Variants in ACSL5 observed in about 807,000 individuals in gnomAD.
The protein encoded by ACSL5 is long-chain-fatty-acid--CoA ligase 5.
A neutral mutation model predicts 84.9 loss-of-function variants in ACSL5; 50 were observed. The observed-to-expected ratio is 0.59, with a 90% CI of 0.47 to 0.75. The LOEUF (loss-of-function observed/expected upper bound fraction) is 0.75. ACSL5 is among the 30% of genes least tolerant of loss of function. The pLI is 0.00. For synonymous variants in ACSL5, 280 were observed against 300.7 expected (o/e 0.93, Z 0.71); for missense variants, 775 against 830.4 (o/e 0.93, Z 0.82).
At chr10:112,403,497 G>A (rs1006300007) in intron 3 of ACSL5, among the ~76,000 whole-genome samples, 1 of 152,194 alleles carries the variant, frequency 6.6e-6, no homozygotes, top group Admixed American at 6.5e-5. Flanking sequence ...TGTTGGGCAG[G>A]CTGGTCTTGA....
chr10:112,426,253 C>T lies in ACSL5; in HGVS notation c.1738-5C>T. The T allele has an allele frequency of 1.2e-6, 2 of 1,612,656 alleles. No individual in the cohort carries two copies. The highest frequency in any genetic ancestry group is 2.2e-5 in the East Asian group (1 of 44,876). ...GCCCTTGCACCTTTTATTTCCTTTCCATAGTCATCCTTAGTAGGAGTGGTG... is the reference window on the plus strand; with the variant it reads ...GCCCTTGCACCTTTTATTTCCTTTCTATAGTCATCCTTAGTAGGAGTGGTG... On this transcript the variant is annotated splice_polypyrimidine_tract_variant and splice_region_variant and intron_variant, in intron 18 of 20. Transcript: ENST00000354655.
At chr10:112,390,771 T>C (rs773614241) in intron 1 of ACSL5, among the ~76,000 whole-genome samples, 1 of 152,086 alleles carries the variant, frequency 6.6e-6, no homozygotes, top group Non-Finnish European at 1.5e-5. Context: ...TACTACCCCA[T>C]CAATGAATCT....
intron 1 of ACSL5, among the ~76,000 whole-genome samples, chr10:112,377,326 A>T (rs1750181781): frequency 6.6e-6 from 1 of 152,176 alleles, no homozygotes; most frequent in Non-Finnish European, 1.5e-5. Context: ...GATCACCTGA[A>T]GTCAGGAGTT....
At position 112,421,793 on chromosome 10, in the gene ACSL5, G is replaced by T; in HGVS notation, c.1387+128G>T. The T allele has an allele frequency of 7.7e-7, 1 of 1,303,332 alleles. No homozygotes were observed. The highest frequency in any genetic ancestry group is 2.4e-5 in the East Asian group (1 of 42,508). The allele number at this position is 1,303,332 out of a possible 1,614,324, so 80.7% of individuals were successfully genotyped here. ...GTGGCAAATGCAAAATTCAAGTTTT[G>T]GGTCCAGGCCTGCCTATCTTGGCTA... is the stretch of plus-strand genomic sequence containing the variant. On this transcript the variant is annotated intron_variant, in intron 15 of 20. Coordinates refer to ENST00000354655, the MANE Select transcript of ACSL5 (RefSeq NM_203379.2).
intron 3 of ACSL5, among the ~76,000 whole-genome samples, chr10:112,403,578 G>C (rs1288477814): frequency 6.6e-6 from 1 of 152,202 alleles, no homozygotes; most frequent in African/African-American, 2.4e-5. Context: ...GAGCCACTGC[G>C]CCCAGCCTTG....
At chr10:112,392,916 AAT>A (rs144204390) in intron 1 of ACSL5, among the ~76,000 whole-genome samples, 70 of 147,502 alleles carry the variant, frequency 4.7e-4, no homozygotes, top group Non-Finnish European at 5.0e-4. Flanking sequence ...CCGTGTCTCA[AAT>A]ATATATATAT....
At chr10:112,405,667 T>C in intron 5 of ACSL5, among the ~76,000 whole-genome samples, 2 of 152,256 alleles carry the variant, frequency 1.3e-5, no homozygotes, top group Middle Eastern at 6.8e-3. Flanking sequence ...TTGAACAACA[T>C]GGGGGTTAGG....
chr10:112,417,329 C>G (rs1370218877), intron 13 of ACSL5, among the ~76,000 whole-genome samples: 1 of 151,536 alleles, frequency 6.6e-6, no homozygotes, highest in African/African-American at 2.4e-5. Context: ...ATGGTGAAAC[C>G]CAGTCTCTAC....
At chr10:112,389,959 T>G (rs1374166607) in intron 1 of ACSL5, among the ~76,000 whole-genome samples, 1 of 152,184 alleles carries the variant, frequency 6.6e-6, no homozygotes. Context: ...CCAGGCACAG[T>G]GGCTCACGCC....
intron 20 of ACSL5, among the ~76,000 whole-genome samples, 158 bp downstream of exon 20, chr10:112,427,017 C>CT (rs1235158741): frequency 6.6e-6 from 1 of 152,082 alleles, no homozygotes; most frequent in Non-Finnish European, 1.5e-5. Context: ...GTACAGCGCC[C>CT]TTTTTTTGCT....
At chr10:112,376,656 T>C (rs1015742305) in intron 1 of ACSL5, among the ~76,000 whole-genome samples, 1 of 151,906 alleles carries the variant, frequency 6.6e-6, no homozygotes, top group African/African-American at 2.4e-5. Flanking sequence ...GAAGGAAGGA[T>C]GTGGGGCATG....
Position 112,398,898 on chromosome 10 carries a change from T to G in ACSL5, c.157-3T>G. The G allele has an allele frequency of 6.2e-7, 1 of 1,613,708 alleles. No individual in the cohort carries two copies. Among genetic ancestry groups the G allele is most frequent in the Non-Finnish European group, 8.5e-7 (1 of 1,179,708 alleles). ...TTGGCCTAAACTTGGTCTTGTGTCT[T>G]AGGGAGGAGCACGGAAGGGGGTTTC... On this transcript the variant is annotated splice_region_variant and splice_polypyrimidine_tract_variant and intron_variant, in intron 2 of 20. Transcript: ENST00000354655.
rs1334693429 is a variant in ACSL5 at position 112,428,341 on chromosome 10, TAA to T, written c.*985_*986del. On this transcript the variant is annotated 3_prime_UTR_variant, in exon 21 of 21. Transcript: ENST00000354655. ...AGATAACACATGTTGTTTCTACTTG[TAA>T]ATGTAAAGTCTTTAAAATAAACTAT... 1 of 397,900 alleles carries T rather than the reference TAA, an allele frequency of 2.5e-6. No individual in the cohort carries two copies. Among genetic ancestry groups the T allele is most frequent in the African/African-American group, 2.1e-5 (1 of 48,612 alleles). 24.6% of individuals were successfully genotyped at this position (397,900 alleles called of 1,614,324 possible). A position where few individuals can be genotyped will look rare whatever the true frequency, so the allele number is the denominator to read the frequency against.
intron 12 of ACSL5, among the ~76,000 whole-genome samples, chr10:112,415,223 G>A (rs371966191): frequency 1.3e-5 from 2 of 151,622 alleles, no homozygotes; most frequent in African/African-American, 2.4e-5. Flanking sequence ...TTTTTGAGAC[G>A]GAGTCTCGCT....
Position 112,421,604 on chromosome 10 carries a change from T to C in ACSL5, c.1326T>C (p.Ala442=), listed in dbSNP as rs773011006. Residue 442 remains alanine (A), a synonymous_variant, in exon 15 of 21, where the codon GCT becomes GCC. Transcript: ENST00000354655. ...RAAMGCQVYE[A]YGQTECTGGC... is the part of the protein sequence containing the mutation. ...CTTTGGTTTCCCAGGTGTATGAAGC[T>C]TATGGTCAAACAGAATGCACAGGTG... The C allele has an allele frequency of 4.3e-6, 7 of 1,614,006 alleles. No individual in the cohort carries two copies. The African/African-American group carries it at 6.7e-5, about 15-fold the overall frequency.
chr10:112,383,303 C>T (rs1421315169), intron 1 of ACSL5, among the ~76,000 whole-genome samples: 1 of 152,066 alleles, frequency 6.6e-6, no homozygotes, highest in African/African-American at 2.4e-5. Context: ...AGACTCTGTC[C>T]CAAAATAAAT....
chr10:112,387,619 A>C (rs1222881097), intron 1 of ACSL5, among the ~76,000 whole-genome samples: 1 of 152,244 alleles, frequency 6.6e-6, no homozygotes, highest in Admixed American at 6.5e-5. Flanking sequence ...AATAACACAC[A>C]GTTCCCTTTG....
intron 16 of ACSL5, 143 bp downstream of exon 16, chr10:112,422,178 C>T (rs1185161638): frequency 2.6e-5 from 29 of 1,109,154 alleles, no homozygotes; most frequent in Non-Finnish European, 3.6e-5. Context: ...ACTTTCCTAT[C>T]CCCTATAGTG....
In ACSL5 at chr10:112,413,225, G is replaced by A. The variant is rs141925116; in HGVS notation, c.1001G>A (p.Arg334Gln). 3.1e-4 allele frequency: 503 copies of A among 1,614,142 alleles called. 2 individuals are homozygous for A. The highest frequency in any genetic ancestry group is 1.2e-4 in the Non-Finnish European group (138 of 1,180,010). The change falls in exon 12 of 21, where the codon CGG (arginine) becomes CAG (glutamine). Residue 334 changes from arginine to glutamine, a missense_variant. By Grantham distance (43) the Arg-to-Gln change is conservative (BLOSUM62 1). Coordinates refer to ENST00000354655, the MANE Select transcript of ACSL5 (RefSeq NM_203379.2). ...ARVGFFQGDI[R>Q]LLADDMKTLK... is the part of the protein sequence containing the mutation. Reference sequence around the variant, plus strand: ...GTTGGATTCTTCCAAGGGGATATTCGGTTGCTGGCTGACGACATGAAGACT... The same window carrying A: ...GTTGGATTCTTCCAAGGGGATATTCAGTTGCTGGCTGACGACATGAAGACT...
Sources: gnomAD v4.1 joint callset for allele counts (sites outside exome capture counted in the v4.1 genomes callset) on GRCh38, gnomAD v4.1.1 for gene constraint, MANE v1.5 for transcripts, NCBI Gene and HGNC (gene_info 2026-07-23, HGNC 2026-07-21) for gene names.